Variants in TBC1D31 observed in about 807,000 individuals in gnomAD.
TBC1D31 encodes TBC1 domain family member 31.
A neutral mutation model predicts 132.9 loss-of-function variants in TBC1D31; 99 were observed. The observed-to-expected ratio is 0.74, with a 90% CI of 0.63 to 0.88. The LOEUF (loss-of-function observed/expected upper bound fraction) is 0.88, where lower values mean the gene tolerates loss of function less well. TBC1D31 is among the 40% of genes least tolerant of loss of function. The pLI is 0.00. For missense variants in TBC1D31, 1,134 were observed against 1,256.6 expected, an observed-to-expected ratio of 0.90 and a Z score of 1.48; for synonymous variants, 385 against 419.4, an observed-to-expected ratio of 0.92 and a Z score of 1.00.
At chr8:123,151,584 A>G (rs753625220) in intron 21 of TBC1D31, among the ~76,000 whole-genome samples, 18 of 152,220 alleles carry the variant, frequency 1.2e-4, no homozygotes, top group East Asian at 7.7e-4. Flanking sequence ...TATCCCAAGT[A>G]TTTCAAAGCA....
intron 11 of TBC1D31, among the ~76,000 whole-genome samples, chr8:123,124,956 AT>A (rs1273527105): frequency 6.6e-6 from 1 of 151,458 alleles, no homozygotes; most frequent in East Asian, 1.9e-4. Flanking sequence ...AAAAAAAAAA[AT>A]TAAGAGCTAC....
In TBC1D31 at chr8:123,100,956, T is replaced by G. The variant is rs1483151432; in HGVS notation, c.981T>G (p.Asn327Lys). ...HGRYIASIME[N>K]GSLNIYSVQA... ...GGTACATTGCATCTATTATGGAAAATGGAAGTCTAAACATATATTCAGTTC... is the reference window on the plus strand; with the variant it reads ...GGTACATTGCATCTATTATGGAAAAGGGAAGTCTAAACATATATTCAGTTC... Residue 327 changes from asparagine to lysine, a missense_variant, in exon 7 of 22, where the codon AAT becomes AAG. Transcript: ENST00000287380. 6.2e-7 allele frequency: 1 copy of G among 1,613,946 alleles called. No homozygotes were observed.
At chr8:123,157,089 G>GC, downstream of TBC1D31, among the ~76,000 whole-genome samples, 1 of 152,376 alleles carries the variant, frequency 6.6e-6, no homozygotes, top group Middle Eastern at 3.4e-3. Context: ...GGTGGTCTTG[G>GC]CGGGGGTACT....
intron 1 of TBC1D31, among the ~76,000 whole-genome samples, chr8:123,075,381 A>T (rs1220577229): frequency 6.6e-6 from 1 of 152,214 alleles, no homozygotes; most frequent in African/African-American, 2.4e-5. Context: ...TAATGAAATT[A>T]TAATGAAGAT....
chr8:123,160,751 C>T, the TBC1D31 span, among the ~76,000 whole-genome samples: 2 of 152,200 alleles, frequency 1.3e-5, no homozygotes, highest in African/African-American at 4.8e-5. Flanking sequence ...CCCAGACCTG[C>T]CCAGGGAAGG....
chr8:123,145,458 AC>A (rs1234923459), intron 20 of TBC1D31, among the ~76,000 whole-genome samples: 1 of 152,238 alleles, frequency 6.6e-6, no homozygotes, highest in African/African-American at 2.4e-5. Context: ...CCTCAGAACA[AC>A]AGTATATTCA....
chr8:123,131,127 G>T (rs1563741098), intron 16 of TBC1D31, among the ~76,000 whole-genome samples: 1 of 151,500 alleles, frequency 6.6e-6, no homozygotes, highest in Non-Finnish European at 1.5e-5. Flanking sequence ...ACTTTGGGAG[G>T]CCGAGGCAGG....
At chr8:123,074,725 G>A (rs927186926) in intron 1 of TBC1D31, among the ~76,000 whole-genome samples, 35 of 152,162 alleles carry the variant, frequency 2.3e-4, no homozygotes, top group African/African-American at 8.2e-4. Context: ...CTGTTTAGAC[G>A]GGCAGAGAGC....
intron 7 of TBC1D31, among the ~76,000 whole-genome samples, chr8:123,104,906 CT>C (rs1376933392): frequency 6.6e-6 from 1 of 152,140 alleles, no homozygotes; most frequent in African/African-American, 2.4e-5. Flanking sequence ...TATTAGGGTA[CT>C]TCTGTCAGAA....
intron 17 of TBC1D31, among the ~76,000 whole-genome samples, chr8:123,138,636 T>TGGA (rs1203627386): frequency 2.0e-5 from 3 of 152,236 alleles, no homozygotes. Flanking sequence ...TGCCCATGGA[T>TGGA]TTGCCTATTC....
intron 11 of TBC1D31, among the ~76,000 whole-genome samples, chr8:123,120,392 C>T (rs994603564): frequency 6.6e-6 from 1 of 152,186 alleles, no homozygotes. Context: ...AATCTGGAGG[C>T]CGGGCACGGT....
At chr8:123,097,483 A>T in intron 6 of TBC1D31, 42 bp downstream of exon 6, 6 of 1,592,844 alleles carry the variant, frequency 3.8e-6, no homozygotes, top group Non-Finnish European at 5.2e-6. Flanking sequence ...TTTGAGAAAG[A>T]ACGCATCCGT....
At chr8:123,134,759 T>C (rs1022514329) in intron 17 of TBC1D31, among the ~76,000 whole-genome samples, 8 of 152,206 alleles carry the variant, frequency 5.3e-5, no homozygotes, top group Non-Finnish European at 1.0e-4. Context: ...AGGCCCCAGA[T>C]TTTGCCTCAG....
chr8:123,148,756 G>A (rs905331272), intron 20 of TBC1D31, among the ~76,000 whole-genome samples: 1 of 152,056 alleles, frequency 6.6e-6, no homozygotes, highest in Non-Finnish European at 1.5e-5. Flanking sequence ...AGTGGTTTAC[G>A]CCTCTAATCC....
At chr8:123,164,870 T>A in the TBC1D31 span, among the ~76,000 whole-genome samples, 1 of 152,208 alleles carries the variant, frequency 6.6e-6, no homozygotes, top group Non-Finnish European at 1.5e-5. Flanking sequence ...ACACTTGGGT[T>A]TTAGGTATCT....
chr8:123,157,783 G>A, the TBC1D31 span, among the ~76,000 whole-genome samples: 1 of 151,638 alleles, frequency 6.6e-6, no homozygotes, highest in East Asian at 1.9e-4. Flanking sequence ...GATCCCGCCA[G>A]TCCCCGGACT....
At chr8:123,158,877 G>A in the TBC1D31 span, among the ~76,000 whole-genome samples, 1 of 152,066 alleles carries the variant, frequency 6.6e-6, no homozygotes, top group Non-Finnish European at 1.5e-5. Flanking sequence ...CAGGCTGCCG[G>A]GACCCCAGAC....
chr8:123,099,745 G>A (rs1817199143), intron 6 of TBC1D31, among the ~76,000 whole-genome samples: 1 of 152,136 alleles, frequency 6.6e-6, no homozygotes, highest in African/African-American at 2.4e-5. Flanking sequence ...TCTGTTTTGT[G>A]CTGCTGTATT....
At chr8:123,161,393 C>G in the TBC1D31 span, among the ~76,000 whole-genome samples, 3 of 152,206 alleles carry the variant, frequency 2.0e-5, no homozygotes, top group Non-Finnish European at 1.5e-5. Context: ...AGCGCCTTGC[C>G]GGCGGTGGCT....
Sources: gnomAD v4.1 joint callset for allele counts (sites outside exome capture counted in the v4.1 genomes callset) on GRCh38, gnomAD v4.1.1 for gene constraint, MANE v1.5 for transcripts, NCBI Gene and HGNC (gene_info 2026-07-23, HGNC 2026-07-21) for gene names.